Variants in ADGRL3 observed in about 807,000 individuals in gnomAD.
ADGRL3 encodes the protein adhesion G protein-coupled receptor L3, also known as calcium-independent alpha-latrotoxin receptor 3.
ADGRL3 carries 62 observed loss-of-function variants against 153.5 expected under a neutral mutation model. The observed-to-expected ratio is 0.40, with a 90% CI of 0.33 to 0.50. ADGRL3 has a LOEUF of 0.50. Among genes scored for constraint, ADGRL3 ranks in the 20% least tolerant of loss-of-function variants. ADGRL3 has a pLI of 0.47. For missense variants in ADGRL3, 1,641 were observed against 1,859.4 expected, an observed-to-expected ratio of 0.88 and a Z score of 2.16; for synonymous variants, 710 against 672.5, an observed-to-expected ratio of 1.06 and a Z score of -0.86.
At chr4:61,972,456 T>A (rs1381557211) in intron 17 of ADGRL3, among the ~76,000 whole-genome samples, 8 of 152,168 alleles carry the variant, frequency 5.3e-5, no homozygotes, top group Non-Finnish European at 1.2e-4. Flanking sequence ...TTGTCAGAGA[T>A]CAGATAGTTG....
At chr4:61,492,447 G>A (rs1232896474) in intron 2 of ADGRL3, among the ~76,000 whole-genome samples, 1 of 152,070 alleles carries the variant, frequency 6.6e-6, no homozygotes, top group Non-Finnish European at 1.5e-5. Flanking sequence ...TTTAAGAGTA[G>A]CTAACACATT....
chr4:61,720,068 T>C (rs1237450994), intron 6 of ADGRL3, among the ~76,000 whole-genome samples: 1 of 149,022 alleles, frequency 6.7e-6, no homozygotes, highest in Non-Finnish European at 1.5e-5. Context: ...AAGAGATTCT[T>C]TAGCAAAACT....
At chr4:61,311,702 G>A (rs1219159990) in intron 1 of ADGRL3, among the ~76,000 whole-genome samples, 1 of 152,128 alleles carries the variant, frequency 6.6e-6, no homozygotes, top group East Asian at 1.9e-4. Context: ...TACTGTAAAA[G>A]CACAGTAATC....
chr4:61,451,093 G>T (rs2097667984), intron 2 of ADGRL3, among the ~76,000 whole-genome samples: 1 of 152,028 alleles, frequency 6.6e-6, no homozygotes, highest in Non-Finnish European at 1.5e-5. Flanking sequence ...AAAATAGAAA[G>T]CTTGGTACAA....
intron 17 of ADGRL3, among the ~76,000 whole-genome samples, chr4:61,953,811 A>G (rs1186743794): frequency 6.6e-6 from 1 of 152,210 alleles, no homozygotes; most frequent in African/African-American, 2.4e-5. Flanking sequence ...GATGTATTTC[A>G]TAAGTTAATG....
At chr4:61,412,265 T>A (rs2097096654) in intron 2 of ADGRL3, among the ~76,000 whole-genome samples, 1 of 152,054 alleles carries the variant, frequency 6.6e-6, no homozygotes, top group African/African-American at 2.4e-5. Context: ...AATAAATTTT[T>A]TTCATAGGGA....
chr4:61,793,707 A>G (rs1233558663), intron 8 of ADGRL3, among the ~76,000 whole-genome samples: 1 of 152,134 alleles, frequency 6.6e-6, no homozygotes, highest in Non-Finnish European at 1.5e-5. Context: ...CCTACCCTCC[A>G]GACAGCTACC....
At chr4:61,577,836 G>A (rs1462882119) in intron 4 of ADGRL3, among the ~76,000 whole-genome samples, 1 of 150,556 alleles carries the variant, frequency 6.6e-6, no homozygotes, top group African/African-American at 2.4e-5. Flanking sequence ...AAAAAAAAGG[G>A]TAATGACCAA....
chr4:61,687,787 C>T (rs1219946580), intron 6 of ADGRL3, among the ~76,000 whole-genome samples: 1 of 151,802 alleles, frequency 6.6e-6, no homozygotes, highest in Non-Finnish European at 1.5e-5. Flanking sequence ...GTGAGTTTTC[C>T]ATTTATATTT....
chr4:61,497,515 CTTTTTTT>C (rs5858707), intron 3 of ADGRL3, among the ~76,000 whole-genome samples, 167 bp downstream of exon 3: 2 of 95,340 alleles, frequency 2.1e-5, no homozygotes, highest in African/African-American at 7.1e-5. Flanking sequence ...CTTTTCTTTT[CTTTTTTT>C]TTTTTTTTTT....
At chr4:61,735,868 G>T (rs2096502625) in intron 8 of ADGRL3, among the ~76,000 whole-genome samples, 1 of 151,920 alleles carries the variant, frequency 6.6e-6, no homozygotes, top group South Asian at 2.1e-4. Flanking sequence ...TTATTAAGTT[G>T]TCTTTAACGA....
rs868202123 is a variant in ADGRL3 at position 61,983,400 on chromosome 4, C to T, written c.3033C>T (p.Phe1011=). The T allele has an allele frequency of 8.7e-6, 14 of 1,613,620 alleles. No individual in the cohort carries two copies. The highest frequency in any genetic ancestry group is 6.7e-5 in the Admixed American group (4 of 59,952). The change falls in exon 19 of 27, where the codon TTC becomes TTT. Residue 1011 remains phenylalanine (F), a synonymous_variant. Coordinates refer to ENST00000683033, the MANE Select transcript of ADGRL3 (RefSeq NM_001387552.1). ...TTTCCTAGATTGCCTGTGCTGTTTT[C>T]GCTGCCCTGTTACATTTCTTCTTCT... The part of the protein sequence containing the change: ...RTDQPIACAV[F]AALLHFFFLA...
At chr4:61,461,549 ATT>A (rs2152591769) in intron 2 of ADGRL3, among the ~76,000 whole-genome samples, 3 of 152,314 alleles carry the variant, frequency 2.0e-5, no homozygotes, top group African/African-American at 7.2e-5. Context: ...ATAAACAAAT[ATT>A]CTTATACGCC....
chr4:61,212,752 C>T (rs1174335900), intron 1 of ADGRL3, among the ~76,000 whole-genome samples: 3 of 152,028 alleles, frequency 2.0e-5, no homozygotes, highest in Non-Finnish European at 4.4e-5. Flanking sequence ...AGTAGAAGGC[C>T]TAATTAGCAG....
chr4:61,707,697 T>A (rs941845412), intron 6 of ADGRL3, among the ~76,000 whole-genome samples: 5 of 152,122 alleles, frequency 3.3e-5, no homozygotes, highest in African/African-American at 1.2e-4. Context: ...TGTATAGAGA[T>A]TAAGCAAATG....
rs3075156 is a variant in ADGRL3 at position 61,680,405 on chromosome 4, CGTGTGTGTGTGTGTGTGTGT to C, written c.583+3495_583+3514del. On this transcript the variant is annotated intron_variant, in intron 6 of 26. Coordinates refer to ENST00000683033, the MANE Select transcript of ADGRL3 (RefSeq NM_001387552.1). ...ACTTTTTTTTAAATTTATACATACT[CGTGTGTGTGTGTGTGTGTGT>C]GTGTGTGTGTGTGTGTGTGTGTGTT... 1.0e-3 allele frequency among the ~76,000 whole-genome samples: 144 copies of C among 144,006 alleles called. No individual in the cohort carries two copies. The Middle Eastern group carries it at 0.014, about 14-fold the overall frequency. The allele number at this position is 144,006 out of a possible 152,430, so 94.5% of individuals were successfully genotyped here.
intron 9 of ADGRL3, among the ~76,000 whole-genome samples, chr4:61,835,598 G>T (rs2097923396): frequency 1.3e-5 from 2 of 151,944 alleles, no homozygotes; most frequent in Admixed American, 6.6e-5. Context: ...TTTGAGCTTT[G>T]CCAAAGGTAA....
At chr4:61,959,882 T>C (rs1202491797) in intron 17 of ADGRL3, among the ~76,000 whole-genome samples, 1 of 152,200 alleles carries the variant, frequency 6.6e-6, no homozygotes, top group Non-Finnish European at 1.5e-5. Context: ...TGTATTTTGC[T>C]ATCTATAGTA....
At chr4:61,711,132 A>T (rs146693783) in intron 6 of ADGRL3, among the ~76,000 whole-genome samples, 1,995 of 152,170 alleles carry the variant, frequency 0.013, 27 homozygotes, top group Non-Finnish European at 0.016. Flanking sequence ...AGATATCAAG[A>T]TCTAATTGGA....
Sources: gnomAD v4.1 joint callset for allele counts (sites outside exome capture counted in the v4.1 genomes callset) on GRCh38, gnomAD v4.1.1 for gene constraint, MANE v1.5 for transcripts, NCBI Gene and HGNC (gene_info 2026-07-23, HGNC 2026-07-21) for gene names.